The following RRP9 variants were observed in gnomAD, a reference collection of about 807,000 sequenced individuals.
The protein encoded by RRP9 is U3 small nucleolar RNA-interacting protein 2.
In RRP9, 35 loss-of-function variants were observed where a neutral mutation model predicts 65.5. The ratio of observed to expected loss-of-function variants is 0.53; its 90% CI spans 0.41 to 0.71. The LOEUF (loss-of-function observed/expected upper bound fraction) is 0.71, where lower values mean the gene tolerates loss of function less well. RRP9 is among the 30% of genes least tolerant of loss of function. RRP9 has a pLI of 0.00. For synonymous variants in RRP9, 254 were observed against 245.0 expected, an observed-to-expected ratio of 1.04 and a Z score of -0.34; for missense variants, 533 against 633.6, an observed-to-expected ratio of 0.84 and a Z score of 1.70.
Position 51,934,897 on chromosome 3 carries a change from A to C in RRP9, c.1035-121T>G, listed in dbSNP as rs537967928. 18 of 1,087,474 alleles carry C rather than the reference A, an allele frequency of 1.7e-5. No homozygotes were observed. The East Asian group carries it at 4.2e-4, about 26-fold the overall frequency. 67.4% of individuals were successfully genotyped at this position (1,087,474 alleles called of 1,614,324 possible). On this transcript the variant is annotated intron_variant, in intron 11 of 14. Coordinates refer to ENST00000232888, the MANE Select transcript of RRP9 (RefSeq NM_004704.5). This position sits in a 1 kb window ranked among gnomAD's most constrained non-coding sequence, Gnocchi z 4.1. ...CCATTTCCCATGATGTGATTATTAC[A>C]TATTGCATGCCTGTATCAAAACATC... is the stretch of plus-strand genomic sequence containing the variant.
intron 2 of RRP9, 152 bp from the exon 3 acceptor site, chr3:51,938,356 G>A (rs949026787): frequency 2.7e-5 from 17 of 622,054 alleles, no homozygotes; most frequent in East Asian, 1.2e-4. Context: ...ACTGAAGGAT[G>A]TGACTCCCCA....
rs957129832 is a variant in RRP9 at position 51,938,315 on chromosome 3, G to A, written c.171-111C>T. ...ATCCAACCTCCCCTATTCCCTGCTA[G>A]CCCACATGGTCGGTGACTACACTGC... On this transcript the variant is annotated intron_variant, in intron 2 of 14. Transcript: ENST00000232888. 2.0e-5 allele frequency: 15 copies of A among 767,776 alleles called. No homozygotes were observed. In the African/African-American group the frequency reaches 2.1e-4, roughly 11 times the overall value. The allele number at this position is 767,776 out of a possible 1,614,324, so 47.6% of individuals were successfully genotyped here.
At chr3:51,938,322 T>C in intron 2 of RRP9, 118 bp from the exon 3 acceptor site, 3 of 735,290 alleles carry the variant, frequency 4.1e-6, no homozygotes, top group Non-Finnish European at 6.7e-6. Flanking sequence ...CTAGCCCACA[T>C]GGTCGGTGAC....
chr3:51,936,110 T>A lies in RRP9; in HGVS notation c.735+147A>T, dbSNP rs984388899. The A allele has an allele frequency of 1.1e-5, 8 of 718,524 alleles. No homozygotes were observed. The African/African-American group carries it at 1.4e-4, about 13-fold the overall frequency. 44.5% of individuals were successfully genotyped at this position (718,524 alleles called of 1,614,324 possible). A position where few individuals can be genotyped will look rare whatever the true frequency, so the allele number is the denominator to read the frequency against. Reference sequence around the variant, plus strand: ...AGCTCCTCCCCATCCCTTTAGCCCATTTATGTATTTTACAGCACCACTCGC... The same window carrying A: ...AGCTCCTCCCCATCCCTTTAGCCCAATTATGTATTTTACAGCACCACTCGC... On this transcript the variant is annotated intron_variant, in intron 8 of 14. Coordinates refer to ENST00000232888, the MANE Select transcript of RRP9 (RefSeq NM_004704.5).
In RRP9 at chr3:51,941,501, A is replaced by C. The variant is rs1455486366; in HGVS notation, c.88-10T>G. The C allele has an allele frequency of 6.2e-7, 1 of 1,613,322 alleles. No individual in the cohort carries two copies. The highest frequency in any genetic ancestry group is 8.5e-7 in the Non-Finnish European group (1 of 1,179,626). On this transcript the variant is annotated splice_polypyrimidine_tract_variant and intron_variant, in intron 1 of 14. Coordinates refer to ENST00000232888, the MANE Select transcript of RRP9 (RefSeq NM_004704.5). Reference sequence around the variant, plus strand: ...CCCCCGCAGAGTCGGCCTGGGAATTATACGGTCTTTTCTTTGGTCAGGGGT... The same window carrying C: ...CCCCCGCAGAGTCGGCCTGGGAATTCTACGGTCTTTTCTTTGGTCAGGGGT...
intron 9 of RRP9, 49 bp downstream of exon 9, chr3:51,935,543 C>CCACACCCTCTCTCACACCATCCA (rs774494604): frequency 6.2e-7 from 1 of 1,613,534 alleles, no homozygotes; most frequent in Non-Finnish European, 8.5e-7. Flanking sequence ...GCACACACTC[C>CCACACCCTCTCTCACACCATCCA]CACACCCTCT....
intron 11 of RRP9, 46 bp downstream of exon 11, chr3:51,935,151 C>A (rs377547115): frequency 7.9e-5 from 127 of 1,609,926 alleles, no homozygotes; most frequent in Non-Finnish European, 1.0e-4. Context: ...ACAGCCAGCA[C>A]TCAGGAGCAG....
At position 51,938,177 on chromosome 3, in the gene RRP9, C is replaced by T. The variant is rs769189388; in HGVS notation, c.198G>A (p.Glu66=). 7.6e-6 allele frequency: 12 copies of T among 1,583,048 alleles called. No homozygotes were observed. The highest frequency in any genetic ancestry group is 9.4e-6 in the Non-Finnish European group (11 of 1,167,048). ...CAGTTTCCTCCAGCTCCTCCTCCTC[C>T]TCCTCCTCAGGCTTCCTTGGAGCTA... ...ESLAPRKPEE[E]EEEELEETAQ... is the part of the protein sequence containing the mutation. Residue 66 remains glutamate, a synonymous_variant, in exon 3 of 15, where the codon GAG becomes GAA. Transcript: ENST00000232888.
chr3:51,939,664 T>C (rs1415652020), intron 2 of RRP9, among the ~76,000 whole-genome samples: 4 of 152,258 alleles, frequency 2.6e-5, no homozygotes, highest in African/African-American at 4.8e-5. Context: ...AAATTATACC[T>C]AAATGGAAAA....
At chr3:51,940,280 C>A (rs763702705) in intron 2 of RRP9, among the ~76,000 whole-genome samples, 1 of 152,010 alleles carries the variant, frequency 6.6e-6, no homozygotes, top group Non-Finnish European at 1.5e-5. Context: ...AAAGTACATT[C>A]TTTCCATGAG....
chr3:51,940,593 C>G (rs1156440437), intron 2 of RRP9, among the ~76,000 whole-genome samples: 1 of 152,148 alleles, frequency 6.6e-6, no homozygotes, highest in Non-Finnish European at 1.5e-5. Context: ...TCATAGTTCA[C>G]TGCAGCTTCA....
chr3:51,937,369 C>T lies in RRP9; in HGVS notation c.391-51G>A. Reference sequence around the variant, plus strand: ...GTGGCTAGTGGCATAAAGGCACTACCTTCACCAACCCCACTGCGTAGTGTT... The same window carrying T: ...GTGGCTAGTGGCATAAAGGCACTACTTTCACCAACCCCACTGCGTAGTGTT... On this transcript the variant is annotated intron_variant, in intron 5 of 14. Coordinates refer to ENST00000232888, the MANE Select transcript of RRP9 (RefSeq NM_004704.5). The surrounding 1 kb of genome is among the most constrained non-coding windows in gnomAD (Gnocchi z 5.0). The T allele has an allele frequency of 6.2e-7, 1 of 1,612,426 alleles. No homozygotes were observed. Among genetic ancestry groups the T allele is most frequent in the South Asian group, 1.1e-5 (1 of 90,786 alleles).
At position 51,938,102 on chromosome 3, in the gene RRP9, A is replaced by G; in HGVS notation, c.273T>C (p.Arg91=). 1 of 1,599,906 alleles carries G rather than the reference A, an allele frequency of 6.3e-7. No homozygotes were observed. Among genetic ancestry groups the G allele is most frequent in the Non-Finnish European group, 8.5e-7 (1 of 1,176,824 alleles). Residue 91 remains arginine (R), a synonymous_variant, in exon 3 of 15, where the codon CGT becomes CGC. Coordinates refer to ENST00000232888, the MANE Select transcript of RRP9 (RefSeq NM_004704.5). The part of the protein sequence containing the change: ...RLAKLYLEQL[R]QQEEEKAEAR... ...GCCTGCCCACTGGCTCACCTTGCTGACGGAGCTGCTCTAGGTAGAGCTTGG... is the reference window on the plus strand; with the variant it reads ...GCCTGCCCACTGGCTCACCTTGCTGGCGGAGCTGCTCTAGGTAGAGCTTGG...
chr3:51,934,905 T>C lies in RRP9; in HGVS notation c.1035-129A>G. 9.6e-7 allele frequency: 1 copy of C among 1,039,374 alleles called. No homozygotes were observed. 64.4% of individuals were successfully genotyped at this position (1,039,374 alleles called of 1,614,324 possible). ...CATGATGTGATTATTACATATTGCATGCCTGTATCAAAACATCTCAAGTAC... is the reference window on the plus strand; with the variant it reads ...CATGATGTGATTATTACATATTGCACGCCTGTATCAAAACATCTCAAGTAC... On this transcript the variant is annotated intron_variant, in intron 11 of 14. Transcript: ENST00000232888. This position sits in a 1 kb window ranked among gnomAD's most constrained non-coding sequence, Gnocchi z 4.1.
chr3:51,933,658 A>C, intron 14 of RRP9, 50 bp downstream of exon 14: 1 of 1,611,508 alleles, frequency 6.2e-7, no homozygotes, highest in African/African-American at 1.3e-5. Flanking sequence ...ATTTCCACCG[A>C]GCTGTCCAGC....
intron 2 of RRP9, among the ~76,000 whole-genome samples, chr3:51,941,198 T>A (rs549834332): frequency 6.6e-6 from 1 of 152,342 alleles, no homozygotes; most frequent in East Asian, 1.9e-4. Context: ...GAGGTCTCAA[T>A]GGCCTCGGAT....
At chr3:51,941,364 T>C (rs200769042) in intron 2 of RRP9, 45 bp downstream of exon 2, 17 of 1,501,914 alleles carry the variant, frequency 1.1e-5, no homozygotes, top group African/African-American at 1.4e-5. Context: ...CCGTGCACCA[T>C]GGGACTCAGT....
chr3:51,937,138 C>A lies in RRP9; in HGVS notation c.517+54G>T, dbSNP rs1272938501. On this transcript the variant is annotated intron_variant, in intron 6 of 14. Coordinates refer to ENST00000232888, the MANE Select transcript of RRP9 (RefSeq NM_004704.5). This position sits in a 1 kb window ranked among gnomAD's most constrained non-coding sequence, Gnocchi z 5.0. ...CCATGACCACTCCCACTCCCCTGAC[C>A]AGCCCTCCCGGATCCGCCATGGGGG... is the stretch of plus-strand genomic sequence containing the variant. 6.2e-7 allele frequency: 1 copy of A among 1,602,570 alleles called. No homozygotes were observed. Among genetic ancestry groups the A allele is most frequent in the Non-Finnish European group, 8.5e-7 (1 of 1,173,942 alleles).
At position 51,934,530 on chromosome 3, in the gene RRP9, C is replaced by T. The variant is rs780045263; in HGVS notation, c.1202G>A (p.Arg401Gln). 8 of 1,614,074 alleles carry T rather than the reference C, an allele frequency of 5.0e-6. No individual in the cohort carries two copies. The highest frequency in any genetic ancestry group is 1.3e-5 in the African/African-American group (1 of 75,056). The change falls in exon 13 of 15, where the codon CGG (arginine) becomes CAG (glutamine). Residue 401 changes from arginine (R) to glutamine (Q), a missense_variant. Arg to Gln is a conservative substitution (Grantham distance 43, BLOSUM62 1). Coordinates refer to ENST00000232888, the MANE Select transcript of RRP9 (RefSeq NM_004704.5). The surrounding 1 kb of genome is among the most constrained non-coding windows in gnomAD (Gnocchi z 4.1). ...VATGSHSSCV[R>Q]LWQCGEGFRQ... ...GAAGCCTTCCCCACACTGCCAAAGC[C>T]GCACACAGGAGCTGTGGGAGCCTGG...
Sources: gnomAD v4.1 joint callset for allele counts (sites outside exome capture counted in the v4.1 genomes callset) on GRCh38, gnomAD v4.1.1 for gene constraint, Gnocchi (gnomAD v3.1) non-coding constraint, MANE v1.5 for transcripts, NCBI Gene and HGNC (gene_info 2026-07-23, HGNC 2026-07-21) for gene names.